Variants in PRDM16 observed in about 807,000 individuals in gnomAD.
PRDM16 encodes the protein PR/SET domain 16, also known as histone-lysine N-methyltransferase PRDM16.
PRDM16 carries 23 observed loss-of-function variants against 110.6 expected under a neutral mutation model. The ratio of observed to expected loss-of-function variants is 0.21; its 90% CI spans 0.15 to 0.29. PRDM16 has a LOEUF of 0.29. Ranked by LOEUF, PRDM16 falls within the 10% of genes least tolerant of loss-of-function variation. The pLI, the probability that PRDM16 is intolerant of heterozygous loss-of-function variation, is 1.00. For synonymous variants in PRDM16, 799 were observed against 781.8 expected (o/e 1.02, Z -0.37); for missense variants, 1,615 against 1,794.3 (o/e 0.90, Z 1.81).
rs935726462 is a variant in PRDM16, at chr1:3,213,986, C to T, written c.387+27512C>T. Reference sequence around the variant, plus strand: ...AGGCAAGCTGCGCCCAGACACATGTCGGAGTCTCGTGTGGCCACTGGGTCC... The same window carrying T: ...AGGCAAGCTGCGCCCAGACACATGTTGGAGTCTCGTGTGGCCACTGGGTCC... On this transcript the variant is annotated intron_variant, in intron 2 of 16. Coordinates refer to ENST00000270722, the MANE Select transcript of PRDM16 (RefSeq NM_022114.4). The surrounding 1 kb of genome is among the most constrained non-coding windows in gnomAD (Gnocchi z 5.3). Among the ~76,000 whole-genome samples, 3 of 152,088 alleles carry T rather than the reference C, an allele frequency of 2.0e-5. No individual in the cohort carries two copies. The highest frequency in any genetic ancestry group is 4.8e-5 in the African/African-American group (2 of 41,400).
chr1:3,218,220 G>A (rs1007238376), intron 2 of PRDM16, among the ~76,000 whole-genome samples: 8 of 152,220 alleles, frequency 5.3e-5, no homozygotes, highest in African/African-American at 1.4e-4. Context: ...TCTCTGGTTC[G>A]TACTTCTCCT....
At chr1:3,366,098 G>A (rs1232365118) in intron 3 of PRDM16, among the ~76,000 whole-genome samples, 6 of 152,260 alleles carry the variant, frequency 3.9e-5, no homozygotes, top group African/African-American at 9.6e-5. Flanking sequence ...GCGAAGAGGT[G>A]AGGCTAAGAA....
At chr1:3,355,035 A>T (rs74048282) in intron 3 of PRDM16, among the ~76,000 whole-genome samples, 8,660 of 152,106 alleles carry the variant, frequency 0.057, 459 homozygotes, top group African/African-American at 0.14. Flanking sequence ...CCAGGGGGGA[A>T]CCCACCGGGA....
rs753564642 is a variant in PRDM16, at chr1:3,358,637, C to T, written c.439-26515C>T. Reference sequence around the variant, plus strand: ...TCTCCGAAGAGCTCAGAAACATCTCCGATTGGAACACGACACAGACCATCC... The same window carrying T: ...TCTCCGAAGAGCTCAGAAACATCTCTGATTGGAACACGACACAGACCATCC... On this transcript the variant is annotated intron_variant, in intron 3 of 16. Transcript: ENST00000270722. This position sits in a 1 kb window ranked among gnomAD's most constrained non-coding sequence, Gnocchi z 4.0. Among the ~76,000 whole-genome samples, 2 of 152,170 alleles carry T rather than the reference C, an allele frequency of 1.3e-5. No individual in the cohort carries two copies. Among genetic ancestry groups the T allele is most frequent in the Admixed American group, 1.3e-4 (2 of 15,286 alleles).
At chr1:3,173,571 G>C (rs1373144101) in intron 1 of PRDM16, among the ~76,000 whole-genome samples, 1 of 152,236 alleles carries the variant, frequency 6.6e-6, no homozygotes, top group Non-Finnish European at 1.5e-5. Context: ...AGGGGCGTTC[G>C]TGGGCAGTGG....
chr1:3,424,118 G>A lies in PRDM16; in HGVS notation c.2940-1463G>A, dbSNP rs186478666. 4.5e-4 allele frequency among the ~76,000 whole-genome samples: 69 copies of A among 152,288 alleles called. 1 individual carries two copies. The Middle Eastern group carries it at 0.014, about 30-fold the overall frequency. On this transcript the variant is annotated intron_variant, in intron 12 of 16. Coordinates refer to ENST00000270722, the MANE Select transcript of PRDM16 (RefSeq NM_022114.4). ...AGCCAGTCCCAGCCCCCCGCCGGAT[G>A]CCCCCCAGGGAGGAGGCTGTCTTCA... is the stretch of plus-strand genomic sequence containing the variant.
At chr1:3,141,163 G>C (rs187785692) in intron 1 of PRDM16, among the ~76,000 whole-genome samples, 1 of 152,132 alleles carries the variant, frequency 6.6e-6, no homozygotes, top group African/African-American at 2.4e-5. Context: ...TCCAGCTCTC[G>C]GTAAAACCAT....
chr1:3,113,369 G>A (rs986124400), intron 1 of PRDM16, among the ~76,000 whole-genome samples: 21 of 152,188 alleles, frequency 1.4e-4, no homozygotes, highest in African/African-American at 5.1e-4. Flanking sequence ...TTCACTGCAG[G>A]TCCCAGCCCG....
At chr1:3,136,543 T>A (rs1643443400) in intron 1 of PRDM16, among the ~76,000 whole-genome samples, 2 of 152,106 alleles carry the variant, frequency 1.3e-5, no homozygotes. Context: ...ATCCCCCAAG[T>A]CCCTGGGTCC....
At chr1:3,408,435 T>C (rs1643597157) in intron 8 of PRDM16, among the ~76,000 whole-genome samples, 1 of 152,246 alleles carries the variant, frequency 6.6e-6, no homozygotes, top group Non-Finnish European at 1.5e-5. Context: ...AGGCTCCCAC[T>C]GGGCACTTTG....
chr1:3,332,835 TG>T (rs1256166245), intron 3 of PRDM16, among the ~76,000 whole-genome samples: 1 of 152,096 alleles, frequency 6.6e-6, no homozygotes, highest in Non-Finnish European at 1.5e-5. Context: ...GTTCGGCCTC[TG>T]GATTTGTCCT....
chr1:3,431,930 ACAG>A (rs1246149338), intron 15 of PRDM16, 33 bp from the exon 16 acceptor site: 1 of 1,595,634 alleles, frequency 6.3e-7, no homozygotes, highest in African/African-American at 1.3e-5. Flanking sequence ...CAGGCTGCTG[ACAG>A]CAGGCCTTCC....
intron 1 of PRDM16, among the ~76,000 whole-genome samples, chr1:3,070,527 T>C (rs1363834815): frequency 6.7e-6 from 1 of 149,602 alleles, no homozygotes; most frequent in Non-Finnish European, 1.5e-5. Context: ...CGCCCCCTCC[T>C]CTGCAGGCCG....
rs1557674989 is a variant in PRDM16 at position 3,433,569 on chromosome 1, C to CCGGGA, written c.3697-108_3697-107insCGGGA. ...CCTGCCCACGCGCTCACCTGCCTGTCTGGGATGGCCCGCCCTGCCCACGCG... is the reference window on the plus strand; with the variant it reads ...CCTGCCCACGCGCTCACCTGCCTGTCCGGGATGGGATGGCCCGCCCTGCCCACGCG... On this transcript the variant is annotated intron_variant, in intron 16 of 16. Coordinates refer to ENST00000270722, the MANE Select transcript of PRDM16 (RefSeq NM_022114.4). The CCGGGA allele has an allele frequency of 1.7e-4, 67 of 388,890 alleles. 7 individuals are homozygous for CCGGGA. The highest frequency in any genetic ancestry group is 4.9e-4 in the South Asian group (19 of 38,538). 24.1% of individuals were successfully genotyped at this position (388,890 alleles called of 1,614,324 possible).
At chr1:3,233,907 T>C (rs867247825) in intron 2 of PRDM16, among the ~76,000 whole-genome samples, 1 of 136,298 alleles carries the variant, frequency 7.3e-6, no homozygotes, top group Non-Finnish European at 1.6e-5. Context: ...AAAAAAAAGG[T>C]GGGGGGAAAT....
At chr1:3,406,810 G>A (rs897332382) in intron 8 of PRDM16, among the ~76,000 whole-genome samples, 1 of 152,230 alleles carries the variant, frequency 6.6e-6, no homozygotes, top group Non-Finnish European at 1.5e-5. Context: ...TTGTGGGCCA[G>A]TGCAGGGACT....
At chr1:3,073,755 C>T (rs1449851989) in intron 1 of PRDM16, among the ~76,000 whole-genome samples, 2 of 152,184 alleles carry the variant, frequency 1.3e-5, no homozygotes, top group African/African-American at 4.8e-5. Context: ...CGGAGCAGCG[C>T]CCGCGTCCAC....
At chr1:3,204,823 T>C (rs1349616171) in intron 2 of PRDM16, among the ~76,000 whole-genome samples, 2 of 151,834 alleles carry the variant, frequency 1.3e-5, no homozygotes, top group Non-Finnish European at 2.9e-5. Flanking sequence ...GGTTAAAAAA[T>C]GGGCGGGCAG....
intron 3 of PRDM16, among the ~76,000 whole-genome samples, chr1:3,347,051 C>T (rs1372846014): frequency 1.3e-5 from 2 of 152,226 alleles, no homozygotes; most frequent in African/African-American, 2.4e-5. Context: ...TAACTTGCAG[C>T]GACCACCTTG....
Sources: gnomAD v4.1 joint callset for allele counts (sites outside exome capture counted in the v4.1 genomes callset) on GRCh38, gnomAD v4.1.1 for gene constraint, Gnocchi (gnomAD v3.1) non-coding constraint, MANE v1.5 for transcripts, NCBI Gene and HGNC (gene_info 2026-07-23, HGNC 2026-07-21) for gene names.